The following RARB variants were observed in gnomAD, a reference collection of about 807,000 sequenced individuals.
The protein encoded by RARB is retinoic acid receptor beta.
RARB carries 17 observed loss-of-function variants against 51.9 expected under a neutral mutation model. The observed-to-expected ratio is 0.33, with a 90% CI of 0.22 to 0.49. The LOEUF (loss-of-function observed/expected upper bound fraction) is 0.49, where lower values mean the gene tolerates loss of function less well. Ranked by LOEUF, RARB falls within the 20% of genes least tolerant of loss-of-function variation. The probability of loss-of-function intolerance (pLI) is 0.99; values close to 1 mark genes in which losing one functional copy is unlikely to be tolerated. For synonymous variants in RARB, 215 were observed against 195.4 expected (o/e 1.10, Z -0.84); for missense variants, 369 against 550.8 (o/e 0.67, Z 3.30).
chr3:24,979,283 C>T (rs1696586836), intron 2 of RARB, among the ~76,000 whole-genome samples: 1 of 152,170 alleles, frequency 6.6e-6, no homozygotes, highest in Non-Finnish European at 1.5e-5. Context: ...TGGTCCAGAG[C>T]TGAGGTCAAG....
At chr3:25,187,066 G>T (rs1444496022) in intron 5 of RARB, among the ~76,000 whole-genome samples, 2 of 152,034 alleles carry the variant, frequency 1.3e-5, no homozygotes, top group African/African-American at 4.8e-5. Flanking sequence ...ATTCTTGTCT[G>T]TGTCCATGCT....
intron 5 of RARB, among the ~76,000 whole-genome samples, chr3:25,296,001 G>A (rs1159259947): frequency 2.0e-5 from 3 of 152,114 alleles, no homozygotes; most frequent in Non-Finnish European, 4.4e-5. Flanking sequence ...GCATCTTGTT[G>A]GCTCAGTAAA....
chr3:25,400,641 C>A (rs544374043), intron 5 of RARB, among the ~76,000 whole-genome samples: 1 of 152,114 alleles, frequency 6.6e-6, no homozygotes, highest in African/African-American at 2.4e-5. Flanking sequence ...GATGTGAATG[C>A]CCTCAGGATA....
intron 3 of RARB, among the ~76,000 whole-genome samples, chr3:25,119,207 T>G (rs1699738912): frequency 6.6e-6 from 1 of 152,166 alleles, no homozygotes; most frequent in African/African-American, 2.4e-5. Flanking sequence ...TACCTTGGGT[T>G]TGAACTTGTT....
chr3:25,337,757 C>T (rs1330391722), intron 5 of RARB, among the ~76,000 whole-genome samples: 2 of 152,066 alleles, frequency 1.3e-5, no homozygotes, highest in Non-Finnish European at 2.9e-5. Flanking sequence ...GCACTATTAC[C>T]TGAAATTATA....
chr3:25,489,853 G>A (rs377429713), intron 2 of RARB, among the ~76,000 whole-genome samples: 99 of 152,334 alleles, frequency 6.5e-4, no homozygotes, highest in African/African-American at 2.2e-3. Flanking sequence ...AGGGGCAGGT[G>A]GGCTTTAAAC....
intron 5 of RARB, among the ~76,000 whole-genome samples, chr3:25,264,163 T>C (rs1703072487): frequency 6.6e-6 from 1 of 152,180 alleles, no homozygotes; most frequent in Non-Finnish European, 1.5e-5. Flanking sequence ...CAACTTTGTT[T>C]AGAAAGCCAA....
chr3:24,999,011 T>A (rs9826014), intron 2 of RARB, among the ~76,000 whole-genome samples: 116,181 of 151,984 alleles, frequency 0.76, 44,576 homozygotes, highest in South Asian at 0.84. Flanking sequence ...AGCAATAATA[T>A]ATGAGCCCAG....
At chr3:25,021,863 A>G (rs1697646149) in intron 2 of RARB, among the ~76,000 whole-genome samples, 1 of 152,196 alleles carries the variant, frequency 6.6e-6, no homozygotes, top group South Asian at 2.1e-4. Context: ...TTTGCTTCCC[A>G]GGTTCATGCT....
intron 5 of RARB, among the ~76,000 whole-genome samples, chr3:25,200,381 A>G (rs937682139): frequency 5.3e-5 from 8 of 151,508 alleles, no homozygotes; most frequent in Admixed American, 1.3e-4. Context: ...ATTTTCTCCC[A>G]TTCTGTAGGT....
At chr3:25,050,650 C>A (rs558718514) in intron 2 of RARB, among the ~76,000 whole-genome samples, 6 of 152,200 alleles carry the variant, frequency 3.9e-5, no homozygotes, top group South Asian at 2.1e-4. Flanking sequence ...TTCCAAATTC[C>A]TTGTTACACT....
rs1216289543 is a variant in RARB at position 25,262,795 on chromosome 3, A to C, written c.178+88220A>C. Among the ~76,000 whole-genome samples the C allele has an allele frequency of 2.0e-5, 3 of 152,164 alleles. 1 individual carries two copies. The highest frequency in any genetic ancestry group is 1.3e-4 in the Admixed American group (2 of 15,260). Reference sequence around the variant, plus strand: ...ATGAAGCATGTTTATAGTTTTTAGGAGGTAGGACTTGGACATCTTTGGAGA... The same window carrying C: ...ATGAAGCATGTTTATAGTTTTTAGGCGGTAGGACTTGGACATCTTTGGAGA... On this transcript the variant is annotated intron_variant, in intron 5 of 11. Transcript: ENST00000383772.
chr3:25,157,022 TAATA>T (rs1305011033), intron 4 of RARB, among the ~76,000 whole-genome samples: 5 of 152,342 alleles, frequency 3.3e-5, no homozygotes, highest in East Asian at 1.9e-4. Context: ...GTCATTTTCT[TAATA>T]AATCTCCTAA....
intron 2 of RARB, among the ~76,000 whole-genome samples, chr3:25,034,260 A>T (rs2125291533): frequency 6.6e-6 from 1 of 152,314 alleles, no homozygotes; most frequent in Non-Finnish European, 1.5e-5. Context: ...CAGTGAGTCA[A>T]GATCGCACCA....
intron 1 of RARB, among the ~76,000 whole-genome samples, chr3:25,445,009 G>A (rs1273302164): frequency 6.6e-6 from 1 of 152,000 alleles, no homozygotes; most frequent in Non-Finnish European, 1.5e-5. Context: ...GAGTGTGGTG[G>A]TACGATCTCA....
intron 1 of RARB, among the ~76,000 whole-genome samples, chr3:25,446,503 C>G (rs1386483150): frequency 1.3e-5 from 2 of 152,090 alleles, no homozygotes; most frequent in Non-Finnish European, 2.9e-5. Context: ...CAGACCCTGC[C>G]TTAAAACATT....
At position 25,438,441 on chromosome 3, in the gene RARB, GATTAA is replaced by G. The variant is rs1307982396; in HGVS notation, c.157+9560_157+9564del. Among the ~76,000 whole-genome samples, 3 of 152,192 alleles carry G rather than the reference GATTAA, an allele frequency of 2.0e-5. No homozygotes were observed. In the East Asian group the frequency reaches 5.8e-4, roughly 29 times the overall value. ...AAAGAAAGTATTGTCTTCTGAAAAT[GATTAA>G]ATTAAAGAACAGTTGTGGGGCTTTT... On this transcript the variant is annotated intron_variant, in intron 1 of 7. Transcript: ENST00000330688.
intron 5 of RARB, among the ~76,000 whole-genome samples, chr3:25,205,829 A>C (rs1441948261): frequency 6.6e-6 from 1 of 152,026 alleles, no homozygotes; most frequent in African/African-American, 2.4e-5. Context: ...TGCAGCCTCA[A>C]CCTCCTGGGC....
chr3:25,575,746 C>T (rs1323697249), intron 4 of RARB, among the ~76,000 whole-genome samples: 2 of 152,142 alleles, frequency 1.3e-5, no homozygotes, highest in Admixed American at 1.3e-4. Flanking sequence ...CTCATTTTAA[C>T]TTGATTACCC....
Sources: allele counts gnomAD v4.1 joint callset (sites outside exome capture counted in the v4.1 genomes callset), GRCh38; gene constraint gnomAD v4.1.1; transcripts MANE v1.5; gene names NCBI Gene and HGNC (gene_info 2026-07-23, HGNC 2026-07-21).